The following XKR4 variants were observed in gnomAD, a reference collection of about 807,000 sequenced individuals.
XKR4 encodes XK related 4.
XKR4 carries 12 observed loss-of-function variants against 53.9 expected under a neutral mutation model. The observed-to-expected ratio is 0.22, with a 90% confidence interval of 0.14 to 0.36. XKR4 has a LOEUF of 0.36. XKR4 is among the 10% of genes least tolerant of loss of function. XKR4 has a pLI of 1.00. For synonymous variants in XKR4, 354 were observed against 362.4 expected (o/e 0.98, Z 0.26); for missense variants, 799 against 859.5 (o/e 0.93, Z 0.88).
chr8:55,495,566 G>A (rs1002339627), intron 2 of XKR4, among the ~76,000 whole-genome samples: 1 of 152,216 alleles, frequency 6.6e-6, no homozygotes, highest in Non-Finnish European at 1.5e-5. Context: ...GGCTTCCAGG[G>A]TCGTGGGCTC....
chr8:55,130,386 G>A (rs1392923998), intron 1 of XKR4, among the ~76,000 whole-genome samples: 1 of 152,198 alleles, frequency 6.6e-6, no homozygotes, highest in African/African-American at 2.4e-5. Context: ...AGCATTCCAG[G>A]TAGCAGTAAC....
At chr8:55,347,792 T>A (rs746260249) in intron 1 of XKR4, among the ~76,000 whole-genome samples, 3 of 152,186 alleles carry the variant, frequency 2.0e-5, no homozygotes, top group African/African-American at 4.8e-5. Context: ...GCCTTGAAAC[T>A]TTTTTCTGCC....
At chr8:55,215,019 A>G in intron 1 of XKR4, among the ~76,000 whole-genome samples, 1 of 151,914 alleles carries the variant, frequency 6.6e-6, no homozygotes, top group African/African-American at 2.4e-5. Flanking sequence ...TATATTGTGA[A>G]TTTTTAACAT....
chr8:55,452,833 C>T (rs1332956094), intron 2 of XKR4: 2 of 770,318 alleles, frequency 2.6e-6, no homozygotes, highest in Non-Finnish European at 4.7e-6. Context: ...TCCAGGTCAC[C>T]CAGCTCCTGA....
intron 1 of XKR4, among the ~76,000 whole-genome samples, chr8:55,279,179 G>A (rs1169878407): frequency 6.6e-6 from 1 of 152,166 alleles, no homozygotes; most frequent in Non-Finnish European, 1.5e-5. Context: ...CCCATCGCTG[G>A]TAACCAGTGA....
At chr8:55,199,912 C>A (rs1481793583) in intron 1 of XKR4, among the ~76,000 whole-genome samples, 2 of 152,116 alleles carry the variant, frequency 1.3e-5, no homozygotes, top group Non-Finnish European at 1.5e-5. Context: ...ATGAAGAAAC[C>A]AAAGCTTAAA....
chr8:55,176,236 A>G (rs1817232506), intron 1 of XKR4, among the ~76,000 whole-genome samples: 1 of 152,222 alleles, frequency 6.6e-6, no homozygotes, highest in Non-Finnish European at 1.5e-5. Flanking sequence ...GTTGAGAAGT[A>G]TGTATTCTAT....
At position 55,379,814 on chromosome 8, in the gene XKR4, C is replaced by G. The variant is rs540057487; in HGVS notation, c.1006+21937C>G. ...TGGGTCCTGGGGCAGAGGCCCTCCC[C>G]TCCAGAGGCTGTGGGAGAACCGACC... On this transcript the variant is annotated intron_variant, in intron 2 of 2. Coordinates refer to ENST00000327381, the MANE Select transcript of XKR4 (RefSeq NM_052898.2). 9.5e-4 allele frequency among the ~76,000 whole-genome samples: 145 copies of G among 152,350 alleles called. 1 individual carries two copies. Among genetic ancestry groups the G allele is most frequent in the Middle Eastern group, 3.4e-3 (1 of 294 alleles).
In XKR4 at chr8:55,273,753, C is replaced by T. The variant is rs553279449; in HGVS notation, c.807-83925C>T. 3.3e-5 allele frequency among the ~76,000 whole-genome samples: 5 copies of T among 152,330 alleles called. No individual in the cohort carries two copies. In the East Asian group the frequency reaches 9.7e-4, roughly 29 times the overall value. Reference sequence around the variant, plus strand: ...GCCTCCCCCCACTCGCCAAGTTATCCTTAAAAACGCTGCCCCTCAAATACT... The same window carrying T: ...GCCTCCCCCCACTCGCCAAGTTATCTTTAAAAACGCTGCCCCTCAAATACT... On this transcript the variant is annotated intron_variant, in intron 1 of 2. Coordinates refer to ENST00000327381, the MANE Select transcript of XKR4 (RefSeq NM_052898.2).
At chr8:55,469,712 T>C (rs971310931) in intron 2 of XKR4, among the ~76,000 whole-genome samples, 3 of 152,124 alleles carry the variant, frequency 2.0e-5, no homozygotes, top group Non-Finnish European at 4.4e-5. Context: ...TGGGAGGCTC[T>C]ATTCCAATCT....
At chr8:55,244,561 A>G (rs543583239) in intron 1 of XKR4, among the ~76,000 whole-genome samples, 1 of 152,298 alleles carries the variant, frequency 6.6e-6, no homozygotes, top group African/African-American at 2.4e-5. Context: ...AGAAATATTT[A>G]TATTCCTTTG....
intron 1 of XKR4, among the ~76,000 whole-genome samples, chr8:55,306,086 A>C (rs1380574098): frequency 2.0e-5 from 3 of 152,196 alleles, no homozygotes; most frequent in African/African-American, 7.2e-5. Context: ...TACAAACCAC[A>C]ATTTTGTTTA....
chr8:55,277,489 C>A (rs1203115535), intron 1 of XKR4, among the ~76,000 whole-genome samples: 1 of 152,148 alleles, frequency 6.6e-6, no homozygotes, highest in Non-Finnish European at 1.5e-5. Flanking sequence ...GGACTCAAGT[C>A]TAAGCATGAA....
At chr8:55,233,054 G>T (rs1253451349) in intron 1 of XKR4, among the ~76,000 whole-genome samples, 1 of 152,206 alleles carries the variant, frequency 6.6e-6, no homozygotes, top group South Asian at 2.1e-4. Flanking sequence ...TATCTGGAGG[G>T]CTGGATGACT....
intron 1 of XKR4, among the ~76,000 whole-genome samples, chr8:55,292,370 G>A (rs1261178421): frequency 6.6e-6 from 1 of 151,986 alleles, no homozygotes; most frequent in African/African-American, 2.4e-5. Flanking sequence ...TATTTCATAT[G>A]GGTGAGTTAT....
chr8:55,447,543 C>T (rs1805364896), intron 2 of XKR4, among the ~76,000 whole-genome samples: 1 of 152,182 alleles, frequency 6.6e-6, no homozygotes, highest in Non-Finnish European at 1.5e-5. Context: ...CTGTTTTGTA[C>T]AGCTATGTTA....
At chr8:55,125,280 G>A (rs1031747400) in intron 1 of XKR4, among the ~76,000 whole-genome samples, 2 of 151,874 alleles carry the variant, frequency 1.3e-5, no homozygotes, top group Non-Finnish European at 2.9e-5. Context: ...ACCCAGGCTG[G>A]AGTGTAGTGA....
intron 2 of XKR4, among the ~76,000 whole-genome samples, chr8:55,395,548 C>A (rs1402739540): frequency 6.6e-6 from 1 of 152,020 alleles, no homozygotes; most frequent in Non-Finnish European, 1.5e-5. Context: ...AATAAGGAGT[C>A]TGGAATTCAT....
intron 1 of XKR4, among the ~76,000 whole-genome samples, chr8:55,161,851 C>T (rs1432803452): frequency 2.6e-5 from 4 of 152,230 alleles, no homozygotes; most frequent in African/African-American, 4.8e-5. Context: ...CTGTCAGCTC[C>T]TCTTTAAAAT....
Sources: allele counts gnomAD v4.1 joint callset (sites outside exome capture counted in the v4.1 genomes callset), GRCh38; gene constraint gnomAD v4.1.1; transcripts MANE v1.5; gene names NCBI Gene and HGNC (gene_info 2026-07-23, HGNC 2026-07-21).